ANKMY1: variants seen among roughly 807,000 people sequenced by gnomAD.
ANKMY1 encodes the protein ankyrin repeat and MYND domain containing 1.
ANKMY1 carries 98 observed loss-of-function variants against 102.0 expected under a neutral mutation model. The ratio of observed to expected loss-of-function variants is 0.96; its 90% CI spans 0.82 to 1.14. ANKMY1 has a LOEUF of 1.14. ANKMY1 is among the 50% of genes most tolerant of loss of function. The probability of loss-of-function intolerance (pLI) is 0.00; values close to 1 mark genes in which losing one functional copy is unlikely to be tolerated. For synonymous variants in ANKMY1, 582 were observed against 559.9 expected (o/e 1.04, Z -0.56); for missense variants, 1,330 against 1,347.6 (o/e 0.99, Z 0.20).
At position 240,506,517 on chromosome 2, in the gene ANKMY1, T is replaced by C. The variant is rs1029621997; in HGVS notation, c.2526+1043A>G. 6.6e-6 allele frequency among the ~76,000 whole-genome samples: 1 copy of C among 152,164 alleles called. No homozygotes were observed. Among genetic ancestry groups the C allele is most frequent in the African/African-American group, 2.4e-5 (1 of 41,412 alleles). On this transcript the variant is annotated intron_variant, in intron 13 of 17. Coordinates refer to ENST00000401804, the MANE Select transcript of ANKMY1 (RefSeq NM_001282771.3). The surrounding 1 kb of genome is among the most constrained non-coding windows in gnomAD (Gnocchi z 4.9). ...CTTAAAATCAGATCTGGAAACAGCA[T>C]CTCAAGATAAGTCTCAGTTCTTTTA... is the stretch of plus-strand genomic sequence containing the variant.
chr2:240,509,113 G>C (rs556515751), intron 12 of ANKMY1, among the ~76,000 whole-genome samples: 1 of 151,776 alleles, frequency 6.6e-6, no homozygotes, highest in South Asian at 2.1e-4. Context: ...GGGTGGACAG[G>C]TGGATGGATG....
rs528101591 is a variant in ANKMY1, at chr2:240,536,027, G to A, written c.481-6518C>T. Among the ~76,000 whole-genome samples the A allele has an allele frequency of 5.3e-4, 81 of 152,208 alleles. 1 individual carries two copies. Among genetic ancestry groups the A allele is most frequent in the African/African-American group, 1.8e-3 (74 of 41,532 alleles). On this transcript the variant is annotated intron_variant, in intron 4 of 17. Transcript: ENST00000401804. ...GTTTCAAAGAACTGCAACCATACAA[G>A]GCACACAAGAATGCAGAAAATCAAT... is the stretch of plus-strand genomic sequence containing the variant.
At chr2:240,474,052 T>G in the ANKMY1 span, among the ~76,000 whole-genome samples, 1 of 151,912 alleles carries the variant, frequency 6.6e-6, no homozygotes, top group Non-Finnish European at 1.5e-5. Context: ...GGCATCCACA[T>G]CAGAAAGGAG....
At chr2:240,482,318 G>T in intron 15 of ANKMY1, 57 bp from the exon 16 acceptor site, 1 of 1,515,398 alleles carries the variant, frequency 6.6e-7, no homozygotes, top group Non-Finnish European at 9.0e-7. Flanking sequence ...GGCCACCACT[G>T]CAGAAGCCAC....
intron 4 of ANKMY1, among the ~76,000 whole-genome samples, chr2:240,543,951 G>C (rs2089658789): frequency 6.6e-6 from 1 of 152,008 alleles, no homozygotes; most frequent in African/African-American, 2.4e-5. Flanking sequence ...TAAAATGTAA[G>C]GTTACTAAGA....
intron 13 of ANKMY1, 123 bp downstream of exon 13, chr2:240,507,437 C>A: frequency 8.3e-7 from 1 of 1,212,018 alleles, no homozygotes; most frequent in East Asian, 3.3e-5. Flanking sequence ...ATACCCCTCA[C>A]CCAGGGCCAC....
the ANKMY1 span, among the ~76,000 whole-genome samples, chr2:240,470,069 C>T: frequency 1.3e-5 from 2 of 152,224 alleles, no homozygotes; most frequent in African/African-American, 4.8e-5. Flanking sequence ...GAGACAGACA[C>T]ACCCGTGGGT....
At chr2:240,509,509 C>G (rs2079729357) in intron 11 of ANKMY1, 54 bp from the exon 12 acceptor site, 1 of 1,227,708 alleles carries the variant, frequency 8.1e-7, no homozygotes. Context: ...TAAGCAGCAC[C>G]TGATGGTAGT....
chr2:240,478,580 G>A (rs932375608), downstream of ANKMY1, among the ~76,000 whole-genome samples: 6 of 152,208 alleles, frequency 3.9e-5, no homozygotes, highest in Non-Finnish European at 7.4e-5. Context: ...TGGTCCCTGC[G>A]TCCGTTGGGA....
intron 13 of ANKMY1, among the ~76,000 whole-genome samples, chr2:240,507,036 C>G (rs959140347): frequency 6.6e-6 from 1 of 151,950 alleles, no homozygotes; most frequent in African/African-American, 2.4e-5. Context: ...TGCAGCTGGA[C>G]CAAGGTGAGG....
upstream of ANKMY1, chr2:240,560,841 C>T (rs768842256): frequency 7.2e-6 from 10 of 1,397,294 alleles, no homozygotes; most frequent in South Asian, 1.6e-5. Flanking sequence ...CAACGTCTCC[C>T]GCCAGCAGCC....
intron 15 of ANKMY1, among the ~76,000 whole-genome samples, chr2:240,493,167 C>CA (rs111689167): frequency 6.0e-5 from 9 of 150,938 alleles, no homozygotes; most frequent in African/African-American, 1.2e-4. Flanking sequence ...ACTAAAAATA[C>CA]AAAAAAAAAA....
chr2:240,560,381 G>T, upstream of ANKMY1: 1 of 271,368 alleles, frequency 3.7e-6, no homozygotes. Context: ...AGTGCCACAG[G>T]CCGCGGGGGC....
chr2:240,510,514 C>G (rs952673877), intron 11 of ANKMY1, among the ~76,000 whole-genome samples: 4 of 152,212 alleles, frequency 2.6e-5, no homozygotes, highest in Non-Finnish European at 5.9e-5. Context: ...TCCTCCCCCA[C>G]TGCAGGGACT....
chr2:240,524,439 A>T, intron 7 of ANKMY1, 58 bp from the exon 8 acceptor site: 1 of 1,531,874 alleles, frequency 6.5e-7, no homozygotes, highest in Non-Finnish European at 8.8e-7. Context: ...ACCTCATTCT[A>T]GGACCTTCTT....
At chr2:240,547,935 C>T (rs1389485462) in intron 4 of ANKMY1, among the ~76,000 whole-genome samples, 2 of 152,242 alleles carry the variant, frequency 1.3e-5, no homozygotes, top group South Asian at 2.1e-4. Context: ...ACCAGAGGTA[C>T]AAGGGGGAAC....
chr2:240,538,598 C>T (rs183003429), intron 4 of ANKMY1, among the ~76,000 whole-genome samples: 4 of 152,274 alleles, frequency 2.6e-5, no homozygotes, highest in Admixed American at 1.3e-4. Flanking sequence ...CGACAGGCGC[C>T]GCCCCCTGCT....
intron 12 of ANKMY1, among the ~76,000 whole-genome samples, chr2:240,508,127 T>C (rs2079428059): frequency 6.6e-6 from 1 of 152,244 alleles, no homozygotes; most frequent in Non-Finnish European, 1.5e-5. Flanking sequence ...CCAGTGTCAA[T>C]GTGACCACTC....
At chr2:240,517,550 C>T (rs1157240832) in intron 9 of ANKMY1, among the ~76,000 whole-genome samples, 1 of 152,174 alleles carries the variant, frequency 6.6e-6, no homozygotes, top group African/African-American at 2.4e-5. Context: ...TGGCTCATAC[C>T]TGTAACCCTA....
Sources: allele counts gnomAD v4.1 joint callset (sites outside exome capture counted in the v4.1 genomes callset), GRCh38; gene constraint gnomAD v4.1.1; non-coding constraint Gnocchi (gnomAD v3.1); transcripts MANE v1.5; gene names NCBI Gene and HGNC (gene_info 2026-07-23, HGNC 2026-07-21).